Variants in ADGRL3 observed in about 807,000 individuals in gnomAD.
ADGRL3 encodes the protein calcium-independent alpha-latrotoxin receptor 3.
In ADGRL3, 62 loss-of-function variants were observed where a neutral mutation model predicts 153.5. The observed-to-expected ratio is 0.40, with a 90% CI of 0.33 to 0.50. ADGRL3 has a LOEUF of 0.50. Among genes scored for constraint, ADGRL3 ranks in the 20% least tolerant of loss-of-function variants. The probability of loss-of-function intolerance (pLI) is 0.47; values close to 1 mark genes in which losing one functional copy is unlikely to be tolerated. For synonymous variants in ADGRL3, 710 were observed against 672.5 expected (o/e 1.06, Z -0.86); for missense variants, 1,641 against 1,859.4 (o/e 0.88, Z 2.16).
In ADGRL3 at chr4:61,800,643, C is replaced by T. The variant is rs189260642; in HGVS notation, c.1400-13166C>T. 4.5e-3 allele frequency among the ~76,000 whole-genome samples: 681 copies of T among 152,228 alleles called. 2 individuals carry two copies. The highest frequency in any genetic ancestry group is 0.014 in the Middle Eastern group (4 of 294). On this transcript the variant is annotated intron_variant, in intron 8 of 26. Coordinates refer to ENST00000683033, the MANE Select transcript of ADGRL3 (RefSeq NM_001387552.1). ...CTCCTAGAATTATTCTAGAAAATAA[C>T]GGAAGATACTTGTTAGACATTTCTG... is the stretch of plus-strand genomic sequence containing the variant.
chr4:62,001,817 A>G (rs1306322952), intron 21 of ADGRL3, among the ~76,000 whole-genome samples: 1 of 152,092 alleles, frequency 6.6e-6, no homozygotes, highest in African/African-American at 2.4e-5. Flanking sequence ...GTTTACTTGT[A>G]TTTTTCAAAA....
At chr4:61,343,715 A>G (rs2095849438) in intron 1 of ADGRL3, among the ~76,000 whole-genome samples, 1 of 152,210 alleles carries the variant, frequency 6.6e-6, no homozygotes, top group Non-Finnish European at 1.5e-5. Context: ...GTAAATCCAC[A>G]GTGCATAATA....
At chr4:61,290,667 G>GAAGGAAGGAAGA (rs1553894756) in intron 1 of ADGRL3, among the ~76,000 whole-genome samples, 1 of 67,472 alleles carries the variant, frequency 1.5e-5, no homozygotes, top group Non-Finnish European at 3.9e-5. Flanking sequence ...AGGAAGAAAG[G>GAAGGAAGGAAGA]AAGGAAGGAA....
intron 1 of ADGRL3, among the ~76,000 whole-genome samples, chr4:61,364,452 T>G (rs1051670164): frequency 1.3e-5 from 2 of 152,170 alleles, no homozygotes; most frequent in African/African-American, 4.8e-5. Context: ...TTTGGTTTGT[T>G]TTGCTTAAAA....
chr4:61,634,929 G>A (rs2093350638), intron 5 of ADGRL3, among the ~76,000 whole-genome samples: 1 of 152,118 alleles, frequency 6.6e-6, no homozygotes, highest in African/African-American at 2.4e-5. Flanking sequence ...TATTTACAAA[G>A]GGGAACCTTT....
At chr4:61,682,541 GTTAC>G (rs1282241254) in intron 6 of ADGRL3, among the ~76,000 whole-genome samples, 6 of 149,446 alleles carry the variant, frequency 4.0e-5, no homozygotes, top group South Asian at 2.1e-4. Flanking sequence ...CATAGCTGGA[GTTAC>G]TTTCTTTCTT....
rs557638092 is a variant in ADGRL3 at position 61,767,301 on chromosome 4, C to T, written c.1399+33747C>T. On this transcript the variant is annotated intron_variant, in intron 8 of 26. Coordinates refer to ENST00000683033, the MANE Select transcript of ADGRL3 (RefSeq NM_001387552.1). ...AAGGGAACTGGGCAGGTGGGGACAA[C>T]TAAAAAGGAGTGCTTAAAAGAGTAT... Among the ~76,000 whole-genome samples the T allele has an allele frequency of 7.8e-3, 1,179 of 150,438 alleles. 22 individuals carry two copies. Among genetic ancestry groups the T allele is most frequent in the African/African-American group, 0.028 (1,124 of 40,014 alleles).
chr4:61,643,258 T>C lies in ADGRL3; in HGVS notation c.474-33568T>C, dbSNP rs550860812. On this transcript the variant is annotated intron_variant, in intron 5 of 26. Coordinates refer to ENST00000683033, the MANE Select transcript of ADGRL3 (RefSeq NM_001387552.1). Reference sequence around the variant, plus strand: ...AACAGGGACAATTTGACTTCCTCTTTTCCTAATTGAATACCCTTTATTTCC... The same window carrying C: ...AACAGGGACAATTTGACTTCCTCTTCTCCTAATTGAATACCCTTTATTTCC... Among the ~76,000 whole-genome samples the C allele has an allele frequency of 1.9e-3, 286 of 152,074 alleles. 1 individual carries two copies. Among genetic ancestry groups the C allele is most frequent in the African/African-American group, 6.8e-3 (282 of 41,482 alleles).
chr4:61,482,526 TG>T (rs1213230950), intron 2 of ADGRL3, among the ~76,000 whole-genome samples: 1 of 152,156 alleles, frequency 6.6e-6, no homozygotes, highest in East Asian at 1.9e-4. Context: ...GAATTGTCCT[TG>T]TGAATCACCA....
chr4:61,609,380 C>T (rs887526743), intron 5 of ADGRL3, among the ~76,000 whole-genome samples: 5 of 152,044 alleles, frequency 3.3e-5, no homozygotes, highest in African/African-American at 4.8e-5. Flanking sequence ...TTGGACTACA[C>T]CCTAAAGACT....
intron 17 of ADGRL3, among the ~76,000 whole-genome samples, chr4:61,967,803 A>G (rs2099012410): frequency 6.6e-6 from 1 of 152,304 alleles, no homozygotes; most frequent in East Asian, 1.9e-4. Context: ...TACCTTCTGA[A>G]ATTGTGCTGT....
At chr4:61,806,794 T>C (rs1448605600) in intron 8 of ADGRL3, among the ~76,000 whole-genome samples, 1 of 152,114 alleles carries the variant, frequency 6.6e-6, no homozygotes, top group Non-Finnish European at 1.5e-5. Flanking sequence ...TGCCTCATCT[T>C]TTTCTTTTTT....
intron 17 of ADGRL3, among the ~76,000 whole-genome samples, chr4:61,952,512 T>G (rs2098950940): frequency 6.6e-6 from 1 of 151,980 alleles, no homozygotes; most frequent in Non-Finnish European, 1.5e-5. Flanking sequence ...ATCCAAAATT[T>G]TATTTGACTC....
intron 4 of ADGRL3, among the ~76,000 whole-genome samples, chr4:61,531,877 G>A (rs1479508385): frequency 6.6e-6 from 1 of 152,042 alleles, no homozygotes; most frequent in Admixed American, 6.6e-5. Context: ...TTAGCCTATG[G>A]AAATATTATT....
intron 18 of ADGRL3, 74 bp downstream of exon 18, chr4:61,979,846 A>C: frequency 8.3e-7 from 1 of 1,209,360 alleles, no homozygotes; most frequent in Non-Finnish European, 1.2e-6. Flanking sequence ...TACTAAAAAT[A>C]CTTATGTTTG....
chr4:61,970,936 A>T (rs988532333), intron 17 of ADGRL3, among the ~76,000 whole-genome samples: 1 of 152,070 alleles, frequency 6.6e-6, no homozygotes, highest in Admixed American at 6.6e-5. Flanking sequence ...CACAGAGTTC[A>T]TGCCACGTTT....
At chr4:62,025,659 TTTC>T (rs1718102057) in intron 21 of ADGRL3, among the ~76,000 whole-genome samples, 3 of 152,186 alleles carry the variant, frequency 2.0e-5, no homozygotes, top group Admixed American at 2.0e-4. Flanking sequence ...TTACCTGTTT[TTTC>T]TTCTATGAGG....
At chr4:61,619,274 T>G (rs1316259287) in intron 5 of ADGRL3, among the ~76,000 whole-genome samples, 1 of 152,144 alleles carries the variant, frequency 6.6e-6, no homozygotes, top group Non-Finnish European at 1.5e-5. Flanking sequence ...TCCTCATGGA[T>G]GTCCTTGTTT....
chr4:62,007,975 C>T (rs796780163), intron 21 of ADGRL3, among the ~76,000 whole-genome samples: 5 of 152,190 alleles, frequency 3.3e-5, no homozygotes, highest in African/African-American at 1.2e-4. Flanking sequence ...ATCCTGGAAG[C>T]TAGGTGAATC....
Sources: allele counts gnomAD v4.1 joint callset (sites outside exome capture counted in the v4.1 genomes callset), GRCh38; gene constraint gnomAD v4.1.1; transcripts MANE v1.5; gene names NCBI Gene and HGNC (gene_info 2026-07-23, HGNC 2026-07-21).